SLC1A6: variants seen among roughly 807,000 people sequenced by gnomAD.
The protein encoded by SLC1A6 is solute carrier family 1 member 6.
SLC1A6 carries 15 observed loss-of-function variants against 42.1 expected under a neutral mutation model. The observed-to-expected ratio is 0.36, with a 90% CI of 0.24 to 0.55. The LOEUF (loss-of-function observed/expected upper bound fraction) is 0.55, where lower values mean the gene tolerates loss of function less well. Ranked by LOEUF, SLC1A6 falls within the 20% of genes least tolerant of loss-of-function variation. The pLI, the probability that SLC1A6 is intolerant of heterozygous loss-of-function variation, is 0.88. For synonymous variants in SLC1A6, 317 were observed against 319.7 expected (o/e 0.99, Z 0.09); for missense variants, 542 against 772.5 (o/e 0.70, Z 3.54).
At chr19:15,003,381 A>T (rs1295722348) in intron 1 of SLC1A6, among the ~76,000 whole-genome samples, 1 of 152,218 alleles carries the variant, frequency 6.6e-6, no homozygotes, top group Admixed American at 6.5e-5. Flanking sequence ...GATGACAGGG[A>T]AGAACCAGGA....
intron 3 of SLC1A6, among the ~76,000 whole-genome samples, chr19:14,968,846 T>G (rs1275925481): frequency 9.3e-6 from 1 of 107,720 alleles, no homozygotes; most frequent in Non-Finnish European, 1.8e-5. Flanking sequence ...CACCATAACC[T>G]AACTATTTTT....
chr19:14,965,110 C>T (rs61260083), intron 4 of SLC1A6, among the ~76,000 whole-genome samples: 59,123 of 151,282 alleles, frequency 0.39, 11,995 homozygotes, highest in East Asian at 0.61. Flanking sequence ...ACCTCCACCT[C>T]CCGGGTTCAA....
At chr19:14,983,250 T>C (rs192872423), upstream of SLC1A6, among the ~76,000 whole-genome samples, 7 of 152,346 alleles carry the variant, frequency 4.6e-5, no homozygotes, top group Non-Finnish European at 7.3e-5. Context: ...GCATCCTATT[T>C]GTGGCCTGTT....
intron 7 of SLC1A6, among the ~76,000 whole-genome samples, 161 bp from the exon 8 acceptor site, chr19:14,954,490 G>A (rs1444056177): frequency 6.6e-6 from 1 of 152,040 alleles, no homozygotes; most frequent in Non-Finnish European, 1.5e-5. Context: ...GAATGGGTAG[G>A]GCTGGGTCAC....
chr19:14,956,733 G>T (rs773594545), intron 6 of SLC1A6, 24 bp from the exon 7 acceptor site: 1 of 1,513,918 alleles, frequency 6.6e-7, no homozygotes, highest in East Asian at 2.3e-5. Context: ...CCACATACCT[G>T]TCAGGGCTCC....
rs150900778 is a variant in SLC1A6 at position 14,950,436 on chromosome 19, G to A, written c.1500-46C>T. On this transcript the variant is annotated intron_variant, in intron 9 of 9. Transcript: ENST00000594383. ...GCTGCCATTAATGGGGGCTTGAAAAGCTTCACAGAAAGAGGGTGCAGCAGA... is the reference window on the plus strand; with the variant it reads ...GCTGCCATTAATGGGGGCTTGAAAAACTTCACAGAAAGAGGGTGCAGCAGA... The A allele has an allele frequency of 4.3e-4, 626 of 1,440,316 alleles. 2 individuals are homozygous for A. The African/African-American group carries it at 5.4e-3, about 12-fold the overall frequency. 89.2% of individuals were successfully genotyped at this position (1,440,316 alleles called of 1,614,324 possible).
At chr19:14,970,290 C>G (rs1028324804) in intron 3 of SLC1A6, among the ~76,000 whole-genome samples, 1 of 152,038 alleles carries the variant, frequency 6.6e-6, no homozygotes, top group Non-Finnish European at 1.5e-5. Context: ...AGGCTGATCT[C>G]GAACTCCTGG....
intron 3 of SLC1A6, 26 bp from the exon 4 acceptor site, chr19:14,968,533 G>A (rs764492472): frequency 1.3e-5 from 21 of 1,569,440 alleles, no homozygotes; most frequent in Middle Eastern, 2.2e-4. Context: ...TGTGGCCCCC[G>A]CAGCTCCATG....
At chr19:14,994,648 T>G (rs975777509) in intron 1 of SLC1A6, among the ~76,000 whole-genome samples, 7 of 152,134 alleles carry the variant, frequency 4.6e-5, no homozygotes, top group Non-Finnish European at 7.4e-5. Flanking sequence ...TGGGGTTGGC[T>G]TTGTGAAAGT....
At chr19:14,984,287 C>G (rs1430953891), upstream of SLC1A6, among the ~76,000 whole-genome samples, 5 of 152,008 alleles carry the variant, frequency 3.3e-5, no homozygotes, top group East Asian at 7.7e-4. Flanking sequence ...GAGCCGAGAT[C>G]GTGCCATTGC....
intron 1 of SLC1A6, 37 bp from the exon 2 acceptor site, chr19:14,972,954 C>A (rs747839751): frequency 1.2e-4 from 183 of 1,499,978 alleles, no homozygotes; most frequent in Non-Finnish European, 1.6e-4. Context: ...TGGTGAGGGC[C>A]AGGACAGAAG....
rs138235891 is a variant in SLC1A6, at chr19:15,002,927, T to C, written c.6+7558A>G. On this transcript the variant is annotated intron_variant, in intron 1 of 8. Coordinates refer to the SLC1A6 transcript ENST00000430939. ...GTTTGTTTGTTTGTTTGTTTTCGGT[T>C]TGTGTTTTTCATTTTTGTCTTTTTG... 2.3e-3 allele frequency among the ~76,000 whole-genome samples: 354 copies of C among 152,076 alleles called. 1 individual carries two copies. The highest frequency in any genetic ancestry group is 8.2e-3 in the African/African-American group (339 of 41,496).
intron 1 of SLC1A6, among the ~76,000 whole-genome samples, chr19:15,010,206 G>A (rs7255797): frequency 0.2 from 28,242 of 138,464 alleles, 3,010 homozygotes; most frequent in Non-Finnish European, 0.25. Flanking sequence ...AAGAAAGAAA[G>A]AAAAAAGAAA....
At chr19:14,975,616 G>A (rs2045695841) in intron 1 of SLC1A6, among the ~76,000 whole-genome samples, 1 of 151,906 alleles carries the variant, frequency 6.6e-6, no homozygotes, top group South Asian at 2.1e-4. Context: ...TTAGCTGGAT[G>A]TGTCACACGC....
In SLC1A6 at chr19:14,979,668, C is replaced by A. The variant is rs2045752287; in HGVS notation, c.-367G>T. The A allele has an allele frequency of 6.6e-6, 1 of 151,730 alleles. No individual in the cohort carries two copies. Among genetic ancestry groups the A allele is most frequent in the African/African-American group, 2.4e-5 (1 of 41,358 alleles). The allele number at this position is 151,730 out of a possible 1,614,324, so 9.4% of individuals were successfully genotyped here. A position where few individuals can be genotyped will look rare whatever the true frequency, so the allele number is the denominator to read the frequency against. ...CGCGGGGACCGGACCGTGGAGGCAC[C>A]GGCGCGGAGCCGGGACGCGCTATGC... is the stretch of plus-strand genomic sequence containing the variant. On this transcript the variant is annotated 5_prime_UTR_variant, in exon 1 of 10. Transcript: ENST00000594383. The surrounding 1 kb of genome is among the most constrained non-coding windows in gnomAD (Gnocchi z 4.2).
chr19:14,973,032 G>T (rs1600012739), intron 1 of SLC1A6, 115 bp from the exon 2 acceptor site: 1 of 785,590 alleles, frequency 1.3e-6, no homozygotes, highest in East Asian at 2.7e-5. Flanking sequence ...TCAGAAGGCG[G>T]GGGTGGCTGG....
At chr19:14,980,502 T>A (rs2045760238), upstream of SLC1A6, among the ~76,000 whole-genome samples, 1 of 151,988 alleles carries the variant, frequency 6.6e-6, no homozygotes, top group South Asian at 2.1e-4. Context: ...GAATAAAAAC[T>A]CAGTGCAGGC....
intron 9 of SLC1A6, among the ~76,000 whole-genome samples, chr19:14,950,875 G>A (rs971849250): frequency 2.0e-5 from 3 of 151,416 alleles, no homozygotes; most frequent in Non-Finnish European, 2.9e-5. Context: ...AGCCCAGAAC[G>A]TCAAGGCTGC....
At chr19:14,984,823 A>G (rs888476303), upstream of SLC1A6, among the ~76,000 whole-genome samples, 13 of 152,250 alleles carry the variant, frequency 8.5e-5, no homozygotes, top group African/African-American at 3.1e-4. Flanking sequence ...AGTGTTGGGA[A>G]GTTCTCAGAG....
Sources: allele counts gnomAD v4.1 joint callset (sites outside exome capture counted in the v4.1 genomes callset), GRCh38; gene constraint gnomAD v4.1.1; non-coding constraint Gnocchi (gnomAD v3.1); transcripts MANE v1.5; gene names NCBI Gene and HGNC (gene_info 2026-07-23, HGNC 2026-07-21).